Variants in PCDH9 observed in about 807,000 individuals in gnomAD.
The protein encoded by PCDH9 is protocadherin-9.
In PCDH9, 24 loss-of-function variants were observed where a neutral mutation model predicts 70.6. That is an observed-to-expected ratio of 0.34 (90% CI 0.25 to 0.48). PCDH9 has a LOEUF of 0.48. Among genes scored for constraint, PCDH9 ranks in the 20% least tolerant of loss-of-function variants. The pLI is 0.99. For synonymous variants in PCDH9, 562 were observed against 558.5 expected (o/e 1.01, Z -0.09); for missense variants, 1,281 against 1,503.6 (o/e 0.85, Z 2.45).
chr13:66,829,254 T>C (rs149092204), intron 3 of PCDH9, among the ~76,000 whole-genome samples: 112 of 152,268 alleles, frequency 7.4e-4, no homozygotes, highest in African/African-American at 2.5e-3. Context: ...TGACCTCAGG[T>C]GATCCACCCA....
At chr13:66,934,911 G>C (rs2082889817) in intron 2 of PCDH9, among the ~76,000 whole-genome samples, 1 of 149,310 alleles carries the variant, frequency 6.7e-6, no homozygotes, top group African/African-American at 2.5e-5. Context: ...TAGTAGAGAC[G>C]GGGTTTCACC....
intron 4 of PCDH9, among the ~76,000 whole-genome samples, chr13:66,354,674 A>C (rs760099408): frequency 6.6e-6 from 1 of 152,168 alleles, no homozygotes; most frequent in Non-Finnish European, 1.5e-5. Context: ...AATAATAAAA[A>C]AATAGAAAAG....
chr13:66,536,729 A>AT (rs140635468), intron 4 of PCDH9, among the ~76,000 whole-genome samples: 19,068 of 152,146 alleles, frequency 0.13, 1,421 homozygotes, highest in Middle Eastern at 0.24. Context: ...TGCTAAATGA[A>AT]TACAGTACTG....
intron 3 of PCDH9, among the ~76,000 whole-genome samples, chr13:66,838,496 G>C (rs1001714586): frequency 6.6e-6 from 1 of 152,008 alleles, no homozygotes; most frequent in Admixed American, 6.6e-5. Flanking sequence ...AATTTAGCCA[G>C]GTTTTCAAAA....
intron 2 of PCDH9, among the ~76,000 whole-genome samples, chr13:66,906,854 C>A (rs1342605298): frequency 6.6e-6 from 1 of 151,878 alleles, no homozygotes; most frequent in Non-Finnish European, 1.5e-5. Flanking sequence ...ACTATGAATC[C>A]TCCCTAACAA....
At position 66,672,154 on chromosome 13, in the gene PCDH9, C is replaced by T. The variant is rs917965117; in HGVS notation, c.3139-40743G>A. 7.9e-5 allele frequency among the ~76,000 whole-genome samples: 12 copies of T among 152,318 alleles called. No individual in the cohort carries two copies. The East Asian group carries it at 2.3e-3, about 29-fold the overall frequency. On this transcript the variant is annotated intron_variant, in intron 3 of 4. Coordinates refer to ENST00000377865, the MANE Select transcript of PCDH9 (RefSeq NM_203487.3). ...GGTCAACATACAGCTCAGGCTGTTG[C>T]TTCAGAGGGTGCAAGCCCCAAACTG...
intron 3 of PCDH9, among the ~76,000 whole-genome samples, chr13:66,744,959 C>T (rs892223703): frequency 6.6e-6 from 1 of 152,078 alleles, no homozygotes. Context: ...CACATTTGTA[C>T]ATTCACCTAT....
intron 4 of PCDH9, among the ~76,000 whole-genome samples, chr13:66,337,534 A>G (rs1956056544): frequency 6.6e-6 from 1 of 152,006 alleles, no homozygotes; most frequent in Non-Finnish European, 1.5e-5. Context: ...CAATCCTGTC[A>G]TTCTGTATTT....
At chr13:66,818,859 A>G (rs187137009) in intron 3 of PCDH9, among the ~76,000 whole-genome samples, 3,325 of 151,954 alleles carry the variant, frequency 0.022, 128 homozygotes, top group African/African-American at 0.07. Context: ...GCGTGAACCC[A>G]GGAGGCGGAG....
rs1184771198 is a variant in PCDH9 at position 66,986,933 on chromosome 13, GC to G, written c.3037-83329del. Among the ~76,000 whole-genome samples the G allele has an allele frequency of 6.3e-4, 96 of 151,446 alleles. 2 individuals carry two copies. The highest frequency in any genetic ancestry group is 2.5e-4 in the Non-Finnish European group (17 of 67,768). On this transcript the variant is annotated intron_variant, in intron 2 of 4. Transcript: ENST00000377865. ...GTATCTATGTATATATAATAAATAG[GC>G]ATATATCATACACATTCCAGATGAT...
At chr13:66,845,847 T>G (rs1281528199) in intron 3 of PCDH9, among the ~76,000 whole-genome samples, 1 of 152,190 alleles carries the variant, frequency 6.6e-6, no homozygotes, top group Non-Finnish European at 1.5e-5. Flanking sequence ...ACTTATAGCT[T>G]TGTGTATTAT....
At chr13:66,691,530 A>T (rs1352178101) in intron 3 of PCDH9, among the ~76,000 whole-genome samples, 1 of 152,188 alleles carries the variant, frequency 6.6e-6, no homozygotes, top group Non-Finnish European at 1.5e-5. Flanking sequence ...ATTTAAAAAT[A>T]CTTGATTTTT....
At chr13:67,022,014 A>G (rs2139862556) in intron 2 of PCDH9, among the ~76,000 whole-genome samples, 1 of 151,192 alleles carries the variant, frequency 6.6e-6, no homozygotes, top group South Asian at 2.1e-4. Context: ...TGATGTGATT[A>G]ATTTGTATGC....
At chr13:66,432,532 A>T (rs2138379013) in intron 4 of PCDH9, among the ~76,000 whole-genome samples, 1 of 152,138 alleles carries the variant, frequency 6.6e-6, no homozygotes, top group Admixed American at 6.6e-5. Flanking sequence ...AGAAAAAAAT[A>T]ATGTTTCATC....
intron 3 of PCDH9, among the ~76,000 whole-genome samples, chr13:66,775,050 A>G (rs575849737): frequency 1.3e-5 from 2 of 152,196 alleles, no homozygotes; most frequent in East Asian, 3.8e-4. Flanking sequence ...GATTACTGCT[A>G]ATGTTTCACA....
At chr13:66,438,355 T>A (rs919847912) in intron 4 of PCDH9, among the ~76,000 whole-genome samples, 1 of 152,214 alleles carries the variant, frequency 6.6e-6, no homozygotes, top group Admixed American at 6.5e-5. Context: ...CTTTTTGACA[T>A]CAAAGGTAAA....
chr13:66,762,310 T>C (rs1342137903), intron 3 of PCDH9, among the ~76,000 whole-genome samples: 1 of 152,054 alleles, frequency 6.6e-6, no homozygotes, highest in Non-Finnish European at 1.5e-5. Context: ...TTGCAGGGAC[T>C]ATGCATTCCC....
At chr13:66,586,188 T>C (rs1427158835) in intron 4 of PCDH9, among the ~76,000 whole-genome samples, 2 of 152,072 alleles carry the variant, frequency 1.3e-5, no homozygotes, top group African/African-American at 4.8e-5. Flanking sequence ...AAATTAAAAG[T>C]AGGGAAAGTA....
chr13:67,102,582 A>G (rs1398154736), intron 2 of PCDH9, among the ~76,000 whole-genome samples: 1 of 152,192 alleles, frequency 6.6e-6, no homozygotes, highest in African/African-American at 2.4e-5. Context: ...TTTATTCTAC[A>G]TACTTCTTAA....
Sources: allele counts gnomAD v4.1 joint callset (sites outside exome capture counted in the v4.1 genomes callset), GRCh38; gene constraint gnomAD v4.1.1; transcripts MANE v1.5; gene names NCBI Gene and HGNC (gene_info 2026-07-23, HGNC 2026-07-21).